HTR3B: variants seen among roughly 807,000 people sequenced by gnomAD.
HTR3B encodes the protein 5-hydroxytryptamine receptor 3B.
HTR3B carries 44 observed loss-of-function variants against 42.8 expected under a neutral mutation model. The ratio of observed to expected loss-of-function variants is 1.03; its 90% CI spans 0.81 to 1.32. The LOEUF (loss-of-function observed/expected upper bound fraction) is 1.32. Among genes scored for constraint, HTR3B ranks in the 40% most tolerant of loss-of-function variants. HTR3B has a pLI of 0.00. For missense variants in HTR3B, 527 were observed against 536.5 expected (o/e 0.98, Z 0.17); for synonymous variants, 203 against 209.0 (o/e 0.97, Z 0.25).
At chr11:113,933,379 A>G (rs1214162161) in intron 6 of HTR3B, among the ~76,000 whole-genome samples, 1 of 152,050 alleles carries the variant, frequency 6.6e-6, no homozygotes, top group African/African-American at 2.4e-5. Flanking sequence ...ATCTTTCCAC[A>G]CACACTTACA....
chr11:113,944,533 C>A, intron 7 of HTR3B, 40 bp from the exon 8 acceptor site: 1 of 1,595,458 alleles, frequency 6.3e-7, no homozygotes, highest in Non-Finnish European at 8.6e-7. Flanking sequence ...TGCTGCATTT[C>A]AGACTGGAGG....
At chr11:113,916,999 G>A (rs1375396379) in intron 2 of HTR3B, among the ~76,000 whole-genome samples, 1 of 151,992 alleles carries the variant, frequency 6.6e-6, no homozygotes, top group Non-Finnish European at 1.5e-5. Flanking sequence ...CTTTCTTTCT[G>A]ATCTTTATAC....
chr11:113,917,247 G>A (rs933062408), intron 2 of HTR3B, among the ~76,000 whole-genome samples: 9 of 151,262 alleles, frequency 5.9e-5, no homozygotes, highest in South Asian at 2.1e-4. Flanking sequence ...ATTCTCCTGC[G>A]TCAGCCTGCT....
chr11:113,909,295 G>A lies in HTR3B; in HGVS notation c.53G>A (p.Gly18Glu), dbSNP rs1565555702. 6.2e-7 allele frequency: 1 copy of A among 1,611,338 alleles called. No individual in the cohort carries two copies. Among genetic ancestry groups the A allele is most frequent in the Non-Finnish European group, 8.5e-7 (1 of 1,177,634 alleles). Residue 18 changes from glycine (G) to glutamate (E), a missense_variant and splice_region_variant, in exon 2 of 9, where the codon GGA becomes GAA. By Grantham distance (98) the Gly-to-Glu change is moderately conservative. Transcript: ENST00000260191. ...PLWACILVAA[G>E]ILATDTHHPQ... is the part of the protein sequence containing the mutation. ...TTCACAATGATAGTTTATTTTCCAG[G>A]AATTCTAGCCACAGATACACATCAT...
chr11:113,922,810 C>T (rs1949930025), intron 2 of HTR3B, among the ~76,000 whole-genome samples: 1 of 152,184 alleles, frequency 6.6e-6, no homozygotes, highest in African/African-American at 2.4e-5. Flanking sequence ...CTGCCTTGGC[C>T]TCCCAAAGTG....
intron 2 of HTR3B, among the ~76,000 whole-genome samples, chr11:113,922,232 G>GTTTT: frequency 6.7e-6 from 1 of 150,086 alleles, no homozygotes; most frequent in Admixed American, 6.6e-5. Flanking sequence ...TTTCTTTTTT[G>GTTTT]TTTTTATTTA....
chr11:113,914,600 A>G (rs899277144), intron 2 of HTR3B, among the ~76,000 whole-genome samples: 4 of 151,732 alleles, frequency 2.6e-5, no homozygotes, highest in African/African-American at 9.7e-5. Flanking sequence ...CTCGTGCCTC[A>G]GCCTCCCAAG....
chr11:113,942,278 A>C (rs1950142094), intron 6 of HTR3B, among the ~76,000 whole-genome samples: 1 of 152,074 alleles, frequency 6.6e-6, no homozygotes, highest in Admixed American at 6.6e-5. Flanking sequence ...TCCGTCTCAA[A>C]AAAAAGAAAC....
Position 113,927,215 on chromosome 11 carries a change from C to T in HTR3B, c.214-4169C>T, listed in dbSNP as rs1949984340. Among the ~76,000 whole-genome samples the T allele has an allele frequency of 2.0e-5, 3 of 152,190 alleles. No individual in the cohort carries two copies. In the South Asian group the frequency reaches 6.2e-4, roughly 31 times the overall value. The stretch of plus-strand genomic sequence containing the variant: ...TTCTTGTGTTACCATCACCGTGATT[C>T]AGTCTCCAGAACTCCTTTCATCTTG... On this transcript the variant is annotated intron_variant, in intron 2 of 8. Transcript: ENST00000260191.
intron 2 of HTR3B, among the ~76,000 whole-genome samples, chr11:113,915,401 A>AT (rs958358627): frequency 7.9e-5 from 12 of 152,052 alleles, no homozygotes; most frequent in Admixed American, 2.6e-4. Flanking sequence ...CCATAATCTG[A>AT]TTTTTTTTCC....
intron 8 of HTR3B, among the ~76,000 whole-genome samples, chr11:113,945,459 T>A (rs986987140): frequency 6.6e-6 from 1 of 152,190 alleles, no homozygotes; most frequent in Admixed American, 6.5e-5. Context: ...TTATCCCCAA[T>A]TTTAACCAGT....
chr11:113,910,601 C>T (rs530553740), intron 2 of HTR3B, among the ~76,000 whole-genome samples: 9 of 151,826 alleles, frequency 5.9e-5, no homozygotes, highest in East Asian at 1.9e-4. Context: ...CCACCACGCC[C>T]GGCTAATTTT....
intron 2 of HTR3B, among the ~76,000 whole-genome samples, chr11:113,927,745 T>G (rs1256995941): frequency 6.6e-6 from 1 of 152,038 alleles, no homozygotes; most frequent in Non-Finnish European, 1.5e-5. Context: ...GTATTTTTAG[T>G]GGAGACGGGG....
intron 2 of HTR3B, among the ~76,000 whole-genome samples, chr11:113,929,876 G>C (rs1950014493): frequency 6.6e-6 from 1 of 152,102 alleles, no homozygotes; most frequent in Non-Finnish European, 1.5e-5. Context: ...GGGACTACAG[G>C]CGCCCACGAC....
upstream of HTR3B, among the ~76,000 whole-genome samples, chr11:113,902,561 T>G (rs558692150): frequency 1.3e-5 from 2 of 152,180 alleles, no homozygotes; most frequent in Non-Finnish European, 2.9e-5. Context: ...TCTCCTAAAG[T>G]GCTGGGATTA....
At chr11:113,909,974 AC>A (rs1391434983) in intron 2 of HTR3B, among the ~76,000 whole-genome samples, 2 of 111,728 alleles carry the variant, frequency 1.8e-5, no homozygotes, top group Non-Finnish European at 3.4e-5. Flanking sequence ...GCAGATCCAG[AC>A]CTTGTCTCCA....
chr11:113,944,360 G>T (rs1021162650), intron 7 of HTR3B, among the ~76,000 whole-genome samples: 2 of 152,136 alleles, frequency 1.3e-5, no homozygotes, highest in African/African-American at 4.8e-5. Flanking sequence ...AATTAGCCTG[G>T]TGTGGTGGTG....
At chr11:113,929,936 G>A (rs1206720390) in intron 2 of HTR3B, among the ~76,000 whole-genome samples, 2 of 152,038 alleles carry the variant, frequency 1.3e-5, no homozygotes, top group East Asian at 1.9e-4. Flanking sequence ...GTTTTGCCGT[G>A]TTAGCCAGGA....
At chr11:113,908,921 A>T in intron 1 of HTR3B, 1 of 291,906 alleles carries the variant, frequency 3.4e-6, no homozygotes, top group Non-Finnish European at 6.2e-6. Flanking sequence ...CCAACGCGGG[A>T]GTTAAGTTTT....
Sources: gnomAD v4.1 joint callset for allele counts (sites outside exome capture counted in the v4.1 genomes callset) on GRCh38, gnomAD v4.1.1 for gene constraint, MANE v1.5 for transcripts, NCBI Gene and HGNC (gene_info 2026-07-23, HGNC 2026-07-21) for gene names.